GMDS: variants seen among roughly 807,000 people sequenced by gnomAD.
The protein encoded by GMDS is GDP-mannose 4,6 dehydratase.
A neutral mutation model predicts 49.9 loss-of-function variants in GMDS; 20 were observed. The observed-to-expected ratio is 0.40, with a 90% CI of 0.28 to 0.58. The LOEUF (loss-of-function observed/expected upper bound fraction) is 0.58, where lower values mean the gene tolerates loss of function less well. Among genes scored for constraint, GMDS ranks in the 20% least tolerant of loss-of-function variants. The pLI is 0.42. For synonymous variants in GMDS, 177 were observed against 178.6 expected, an observed-to-expected ratio of 0.99 and a Z score of 0.07; for missense variants, 362 against 481.4, an observed-to-expected ratio of 0.75 and a Z score of 2.32.
chr6:2,033,195 A>T (rs145457384), intron 4 of GMDS, among the ~76,000 whole-genome samples: 310 of 152,316 alleles, frequency 2.0e-3, no homozygotes, highest in African/African-American at 7.4e-3. Flanking sequence ...TTGCATAATC[A>T]CTGAATCAAT....
chr6:1,869,225 T>G (rs187905934), intron 7 of GMDS, among the ~76,000 whole-genome samples: 153 of 152,348 alleles, frequency 1.0e-3, no homozygotes, highest in African/African-American at 3.6e-3. Context: ...GTCTCATACA[T>G]GGATACTGAT....
At chr6:1,973,809 C>A (rs982437455) in intron 4 of GMDS, among the ~76,000 whole-genome samples, 1 of 151,520 alleles carries the variant, frequency 6.6e-6, no homozygotes, top group African/African-American at 2.4e-5. Context: ...AGAACAACAA[C>A]AAAAAAAAGA....
At chr6:1,656,731 T>C (rs569366840) in intron 9 of GMDS, among the ~76,000 whole-genome samples, 80 of 151,006 alleles carry the variant, frequency 5.3e-4, no homozygotes, top group Non-Finnish European at 9.4e-4. Flanking sequence ...GCCACTGCAC[T>C]CCAGCCTGGG....
At chr6:1,767,926 T>C (rs569142128) in intron 7 of GMDS, among the ~76,000 whole-genome samples, 2 of 152,278 alleles carry the variant, frequency 1.3e-5, no homozygotes, top group East Asian at 3.9e-4. Context: ...TGTTTACATT[T>C]TGACTCTCTT....
In GMDS at chr6:1,836,001, G is replaced by GTGA. The variant is rs140241115; in HGVS notation, c.772-93418_772-93416dup. ...CTCCCGGGTTCACACCACCGGAGCT[G>GTGA]TGACTACAGGTGCCCACCACCACGC... On this transcript the variant is annotated intron_variant, in intron 7 of 10. Coordinates refer to ENST00000380815, the MANE Select transcript of GMDS (RefSeq NM_001500.4). This position sits in a 1 kb window ranked among gnomAD's most constrained non-coding sequence, Gnocchi z 4.2. Among the ~76,000 whole-genome samples the GTGA allele has an allele frequency of 0.053, 8,135 of 152,158 alleles. 308 individuals are homozygous for GTGA. Among genetic ancestry groups the GTGA allele is most frequent in the Non-Finnish European group, 0.084 (5,684 of 67,952 alleles).
chr6:1,798,178 G>A (rs1011125498), intron 7 of GMDS, among the ~76,000 whole-genome samples: 3 of 151,552 alleles, frequency 2.0e-5, no homozygotes, highest in Non-Finnish European at 4.4e-5. Flanking sequence ...AACTGTGACT[G>A]CACTCTGAAG....
chr6:2,127,126 A>G (rs1319844900), intron 1 of GMDS, among the ~76,000 whole-genome samples: 1 of 152,198 alleles, frequency 6.6e-6, no homozygotes, highest in Non-Finnish European at 1.5e-5. Flanking sequence ...ACACTGACCA[A>G]TTCAGACCAT....
chr6:1,696,299 C>T (rs143823102), intron 9 of GMDS, among the ~76,000 whole-genome samples: 71 of 152,340 alleles, frequency 4.7e-4, no homozygotes, highest in African/African-American at 1.6e-3. Flanking sequence ...CGCAGTCCTC[C>T]CTGAGCAAAA....
At chr6:2,093,243 A>G (rs1773419575) in intron 4 of GMDS, among the ~76,000 whole-genome samples, 1 of 152,226 alleles carries the variant, frequency 6.6e-6, no homozygotes, top group African/African-American at 2.4e-5. Flanking sequence ...ACAGGTCTAC[A>G]AGACCATGAA....
chr6:2,064,585 A>T (rs1771419591), intron 4 of GMDS, among the ~76,000 whole-genome samples: 1 of 152,092 alleles, frequency 6.6e-6, no homozygotes. Flanking sequence ...CCGATTCCCT[A>T]CAATTTCTTC....
intron 6 of GMDS, chr6:1,951,869 C>A (rs779785560): frequency 8.2e-5 from 81 of 984,156 alleles, no homozygotes; most frequent in Non-Finnish European, 9.7e-5. Context: ...AACTAATGGT[C>A]TTTTACAAAG....
intron 7 of GMDS, among the ~76,000 whole-genome samples, chr6:1,838,034 AG>A (rs2113740468): frequency 6.6e-6 from 1 of 152,308 alleles, no homozygotes; most frequent in East Asian, 1.9e-4. Context: ...ACCTGTCTGG[AG>A]GCATTTTATG....
At chr6:1,745,798 T>C (rs1257982889) in intron 7 of GMDS, among the ~76,000 whole-genome samples, 1 of 152,230 alleles carries the variant, frequency 6.6e-6, no homozygotes, top group Admixed American at 6.5e-5. Context: ...TAGGGCTTTG[T>C]TTAAATTTCC....
chr6:2,062,267 G>A (rs1356165489), intron 4 of GMDS, among the ~76,000 whole-genome samples: 2 of 152,136 alleles, frequency 1.3e-5, no homozygotes, highest in East Asian at 1.9e-4. Flanking sequence ...TGCAGCAGTC[G>A]CTCTTCTGGG....
intron 9 of GMDS, among the ~76,000 whole-genome samples, chr6:1,669,816 G>A (rs758551125): frequency 1.8e-4 from 27 of 149,670 alleles, no homozygotes; most frequent in Middle Eastern, 3.5e-3. Flanking sequence ...GTGAGGCTGA[G>A]GCAGGAGAAT....
chr6:1,944,359 G>T (rs1214061268), intron 6 of GMDS, among the ~76,000 whole-genome samples: 1 of 152,140 alleles, frequency 6.6e-6, no homozygotes, highest in Non-Finnish European at 1.5e-5. Context: ...ACAAAAATTA[G>T]ACAGGCGTGG....
chr6:2,217,450 T>C (rs1420242321), intron 1 of GMDS, among the ~76,000 whole-genome samples: 1 of 152,244 alleles, frequency 6.6e-6, no homozygotes, highest in African/African-American at 2.4e-5. Context: ...TGAAGGTTTA[T>C]GTTTGTGGTT....
At chr6:1,922,881 T>C (rs993806657) in intron 7 of GMDS, among the ~76,000 whole-genome samples, 5 of 152,176 alleles carry the variant, frequency 3.3e-5, no homozygotes, top group African/African-American at 1.2e-4. Context: ...CTTTCAAATC[T>C]CATCTTGAAT....
intron 9 of GMDS, among the ~76,000 whole-genome samples, chr6:1,673,718 G>C (rs1004316486): frequency 1.3e-5 from 2 of 151,846 alleles, no homozygotes; most frequent in African/African-American, 4.8e-5. Flanking sequence ...CTGGACCCTG[G>C]GCAAACACTG....
Sources: gnomAD v4.1 joint callset for allele counts (sites outside exome capture counted in the v4.1 genomes callset) on GRCh38, gnomAD v4.1.1 for gene constraint, Gnocchi (gnomAD v3.1) non-coding constraint, MANE v1.5 for transcripts, NCBI Gene and HGNC (gene_info 2026-07-23, HGNC 2026-07-21) for gene names.